TLK1: variants seen among roughly 807,000 people sequenced by gnomAD.
The protein encoded by TLK1 is serine/threonine-protein kinase tousled-like 1.
Under a neutral mutation model 105.3 loss-of-function variants are expected in TLK1, and 24 were observed. The observed-to-expected ratio is 0.23, with a 90% CI of 0.17 to 0.32. The LOEUF is 0.32. Ranked by LOEUF, TLK1 falls within the 10% of genes least tolerant of loss-of-function variation. TLK1 has a pLI of 1.00. For missense variants in TLK1, 558 were observed against 910.5 expected, an observed-to-expected ratio of 0.61 and a Z score of 4.98; for synonymous variants, 321 against 310.4, an observed-to-expected ratio of 1.03 and a Z score of -0.36.
chr2:171,001,592 T>TGC (rs1308577956), intron 18 of TLK1, among the ~76,000 whole-genome samples: 1 of 152,192 alleles, frequency 6.6e-6, no homozygotes, highest in Non-Finnish European at 1.5e-5. Context: ...TAAACCCAAT[T>TGC]GCATTTGCAT....
intron 1 of TLK1, among the ~76,000 whole-genome samples, chr2:171,197,272 G>A (rs1226151218): frequency 6.6e-6 from 1 of 152,030 alleles, no homozygotes; most frequent in Non-Finnish European, 1.5e-5. Flanking sequence ...AATATGAAAA[G>A]ATTTCTTATT....
At chr2:171,138,650 T>C (rs1238129228) in intron 1 of TLK1, among the ~76,000 whole-genome samples, 2 of 152,180 alleles carry the variant, frequency 1.3e-5, no homozygotes, top group Non-Finnish European at 2.9e-5. Flanking sequence ...TTTAAGACTG[T>C]TTTAATTTTT....
chr2:171,052,634 G>A (rs762204332), intron 8 of TLK1, among the ~76,000 whole-genome samples: 1 of 152,060 alleles, frequency 6.6e-6, no homozygotes, highest in Non-Finnish European at 1.5e-5. Flanking sequence ...TTCACTTAAC[G>A]TTCAAAAACC....
At chr2:171,047,288 G>C (rs376152200) in intron 10 of TLK1, among the ~76,000 whole-genome samples, 4 of 152,120 alleles carry the variant, frequency 2.6e-5, no homozygotes, top group African/African-American at 9.7e-5. Context: ...AACACCTTAA[G>C]CTTATTCTAA....
chr2:171,151,848 G>A (rs775712966), intron 1 of TLK1, among the ~76,000 whole-genome samples: 1 of 152,060 alleles, frequency 6.6e-6, no homozygotes, highest in Non-Finnish European at 1.5e-5. Flanking sequence ...ATACAAAGTT[G>A]AACTAAACTA....
chr2:171,095,734 T>C (rs971766662), intron 2 of TLK1, among the ~76,000 whole-genome samples: 2 of 152,008 alleles, frequency 1.3e-5, no homozygotes, highest in Non-Finnish European at 2.9e-5. Flanking sequence ...AATAAAAATC[T>C]TATGATCATC....
intron 10 of TLK1, among the ~76,000 whole-genome samples, chr2:171,049,438 G>A (rs949153092): frequency 6.6e-6 from 1 of 152,106 alleles, no homozygotes; most frequent in Non-Finnish European, 1.5e-5. Flanking sequence ...ACATTAACAT[G>A]TAAGGATTGG....
intron 18 of TLK1, among the ~76,000 whole-genome samples, chr2:170,999,893 G>T (rs1490476879): frequency 1.3e-5 from 2 of 151,824 alleles, no homozygotes; most frequent in Admixed American, 6.6e-5. Flanking sequence ...CAATTAGCTG[G>T]GACCACAGGC....
chr2:171,003,274 A>C lies in TLK1; in HGVS notation c.1904+2873T>G, dbSNP rs930606562. Among the ~76,000 whole-genome samples, 28 of 31,458 alleles carry C rather than the reference A, an allele frequency of 8.9e-4. No individual in the cohort carries two copies. The South Asian group carries it at 0.022, about 25-fold the overall frequency. The allele number at this position is 31,458 out of a possible 152,430, so 20.6% of individuals were successfully genotyped here. ...GGGCGACAGAGCAAGACTCCGTCTC[A>C]AAAAAAAAAAAAAAAAAAAAAAAAA... On this transcript the variant is annotated intron_variant, in intron 18 of 20. Transcript: ENST00000431350.
At position 171,070,183 on chromosome 2, in the gene TLK1, AT is replaced by A. The variant is rs891117026; in HGVS notation, c.331-9028del. ...ATCAGCTTAGAAGGTTCCTTTTTAAATTTTTTTTTTTTAATCATTGTGGGTA... is the reference window on the plus strand; with the variant it reads ...ATCAGCTTAGAAGGTTCCTTTTTAAATTTTTTTTTTTAATCATTGTGGGTA... On this transcript the variant is annotated intron_variant, in intron 3 of 20. Transcript: ENST00000431350. Among the ~76,000 whole-genome samples the A allele has an allele frequency of 3.9e-3, 568 of 146,968 alleles. 2 individuals carry two copies. The highest frequency in any genetic ancestry group is 0.012 in the African/African-American group (464 of 40,248).
intron 2 of TLK1, among the ~76,000 whole-genome samples, chr2:171,100,234 T>C (rs1256812522): frequency 1.3e-5 from 2 of 152,200 alleles, no homozygotes; most frequent in Non-Finnish European, 2.9e-5. Flanking sequence ...GGTTATGCTA[T>C]GGATTGAATA....
intron 1 of TLK1, among the ~76,000 whole-genome samples, chr2:171,168,832 G>A (rs1692664167): frequency 6.6e-6 from 1 of 152,188 alleles, no homozygotes; most frequent in African/African-American, 2.4e-5. Flanking sequence ...TGTAATCCTA[G>A]CACTTTGGGA....
intron 3 of TLK1, among the ~76,000 whole-genome samples, chr2:171,080,770 C>A (rs1287539705): frequency 6.6e-6 from 1 of 151,342 alleles, no homozygotes; most frequent in Non-Finnish European, 1.5e-5. Flanking sequence ...TGCAGTGGCA[C>A]AATCATGGCT....
intron 1 of TLK1, among the ~76,000 whole-genome samples, chr2:171,149,324 G>A (rs1416995155): frequency 6.6e-6 from 1 of 151,898 alleles, no homozygotes; most frequent in African/African-American, 2.4e-5. Context: ...TCACAACCTT[G>A]TGAAACCTTG....
At chr2:171,102,458 T>C (rs1259520253) in intron 2 of TLK1, among the ~76,000 whole-genome samples, 1 of 152,190 alleles carries the variant, frequency 6.6e-6, no homozygotes, top group African/African-American at 2.4e-5. Context: ...TTTACATAAT[T>C]ACAGTTTATA....
intron 1 of TLK1, among the ~76,000 whole-genome samples, chr2:171,177,331 G>A (rs1209914858): frequency 6.8e-6 from 1 of 147,630 alleles, no homozygotes; most frequent in Non-Finnish European, 1.5e-5. Flanking sequence ...TTGTAGAGAT[G>A]GTTTTTTTGC....
At chr2:171,040,374 C>T (rs931226719) in intron 11 of TLK1, among the ~76,000 whole-genome samples, 13 of 152,138 alleles carry the variant, frequency 8.5e-5, no homozygotes, top group African/African-American at 2.4e-4. Flanking sequence ...ATATGTGCCA[C>T]TGTGGTGTGG....
At chr2:171,096,356 T>A (rs766568075) in intron 2 of TLK1, among the ~76,000 whole-genome samples, 3 of 152,030 alleles carry the variant, frequency 2.0e-5, no homozygotes, top group Non-Finnish European at 4.4e-5. Flanking sequence ...AATAAACTTT[T>A]TTTAAAATCC....
At chr2:171,095,685 TAGTC>T (rs1278190442) in intron 2 of TLK1, among the ~76,000 whole-genome samples, 1 of 151,912 alleles carries the variant, frequency 6.6e-6, no homozygotes, top group Non-Finnish European at 1.5e-5. Context: ...TCAACATACA[TAGTC>T]AATAAATATG....
Sources: allele counts gnomAD v4.1 joint callset (sites outside exome capture counted in the v4.1 genomes callset), GRCh38; gene constraint gnomAD v4.1.1; transcripts MANE v1.5; gene names NCBI Gene and HGNC (gene_info 2026-07-23, HGNC 2026-07-21).